RGL1: variants seen among roughly 807,000 people sequenced by gnomAD.
RGL1 encodes ral guanine nucleotide dissociation stimulator like 1.
RGL1 carries 24 observed loss-of-function variants against 95.2 expected under a neutral mutation model. The observed-to-expected ratio is 0.25, with a 90% confidence interval of 0.18 to 0.35. The LOEUF (loss-of-function observed/expected upper bound fraction) is 0.35, where lower values mean the gene tolerates loss of function less well. Among genes scored for constraint, RGL1 ranks in the 10% least tolerant of loss-of-function variants. The pLI is 1.00. For synonymous variants in RGL1, 329 were observed against 344.9 expected, an observed-to-expected ratio of 0.95 and a Z score of 0.51; for missense variants, 715 against 936.3, an observed-to-expected ratio of 0.76 and a Z score of 3.08.
intron 2 of RGL1, among the ~76,000 whole-genome samples, chr1:183,836,340 T>G (rs988468245): frequency 3.9e-5 from 6 of 152,144 alleles, no homozygotes; most frequent in Non-Finnish European, 5.9e-5. Flanking sequence ...TACCTCCGCC[T>G]CTTGGGTTCA....
chr1:183,657,425 T>A (rs1558137566), intron 1 of RGL1, among the ~76,000 whole-genome samples: 1 of 152,238 alleles, frequency 6.6e-6, no homozygotes, highest in Non-Finnish European at 1.5e-5. Context: ...TATCTCCTAA[T>A]GCTATCCCTC....
intron 2 of RGL1, among the ~76,000 whole-genome samples, chr1:183,825,220 AG>A (rs1164245110): frequency 6.6e-6 from 1 of 152,202 alleles, no homozygotes; most frequent in Admixed American, 6.5e-5. Context: ...TCATGCTGGA[AG>A]GGTTTCTGGA....
At chr1:183,714,867 C>T (rs1314063015) in intron 1 of RGL1, among the ~76,000 whole-genome samples, 2 of 152,264 alleles carry the variant, frequency 1.3e-5, no homozygotes, top group South Asian at 4.1e-4. Flanking sequence ...ACCCGTTGCT[C>T]ACAGGGTGTG....
intron 2 of RGL1, chr1:183,754,721 G>A (rs1658228519): frequency 6.6e-6 from 1 of 152,208 alleles, no homozygotes; most frequent in Admixed American, 6.5e-5. Flanking sequence ...ATGTGTGATG[G>A]GGAGATGTAA....
intron 4 of RGL1, among the ~76,000 whole-genome samples, chr1:183,868,427 C>T (rs1665965760): frequency 6.6e-6 from 1 of 152,174 alleles, no homozygotes; most frequent in Non-Finnish European, 1.5e-5. Context: ...ATAGAGCCTT[C>T]TCGCTCAAAG....
intron 1 of RGL1, among the ~76,000 whole-genome samples, chr1:183,700,854 G>A (rs554255220): frequency 6.6e-6 from 1 of 152,042 alleles, no homozygotes; most frequent in Non-Finnish European, 1.5e-5. Flanking sequence ...TGTCATCTAG[G>A]TTTTAAGCCC....
At chr1:183,835,177 G>C (rs188267038) in intron 2 of RGL1, among the ~76,000 whole-genome samples, 12 of 148,586 alleles carry the variant, frequency 8.1e-5, no homozygotes, top group African/African-American at 2.5e-4. Flanking sequence ...GGACAAATTG[G>C]ATCTGTGTTT....
intron 1 of RGL1, among the ~76,000 whole-genome samples, chr1:183,643,262 T>TTTTATTTATTTATTTATTTA (rs374025637): frequency 7.3e-6 from 1 of 136,432 alleles, no homozygotes; most frequent in Non-Finnish European, 1.6e-5. Context: ...GGTCCTGTTT[T>TTTTATTTATTTATTTATTTA]TTTATTTATT....
At chr1:183,705,405 T>C (rs1654849835) in intron 1 of RGL1, among the ~76,000 whole-genome samples, 1 of 152,140 alleles carries the variant, frequency 6.6e-6, no homozygotes, top group Non-Finnish European at 1.5e-5. Flanking sequence ...GTATGGACAT[T>C]GCAGTCTCTT....
At chr1:183,837,876 A>G (rs550649856) in intron 2 of RGL1, among the ~76,000 whole-genome samples, 2 of 152,184 alleles carry the variant, frequency 1.3e-5, no homozygotes, top group African/African-American at 4.8e-5. Flanking sequence ...GGTCCCTCGC[A>G]TGTGCAGTTC....
chr1:183,751,977 C>T (rs1397756295), intron 2 of RGL1, among the ~76,000 whole-genome samples: 2 of 152,190 alleles, frequency 1.3e-5, no homozygotes, highest in African/African-American at 4.8e-5. Flanking sequence ...GAGCTGCAGA[C>T]TGGAGCTGTT....
chr1:183,652,459 C>CT lies in RGL1; in HGVS notation c.-33+15961dup, dbSNP rs1255844409. 6.6e-5 allele frequency among the ~76,000 whole-genome samples: 10 copies of CT among 152,310 alleles called. No homozygotes were observed. The South Asian group carries it at 1.9e-3, about 28-fold the overall frequency. On this transcript the variant is annotated intron_variant, in intron 1 of 18. Transcript: ENST00000304685. Reference sequence around the variant, plus strand: ...TTTTCAGAGTCTTTCTGGGCTTGTTCTTTGATCACCCTCATCTGAAGAGGA... The same window carrying CT: ...TTTTCAGAGTCTTTCTGGGCTTGTTCTTTTGATCACCCTCATCTGAAGAGGA...
chr1:183,853,228 G>A (rs925666775), intron 3 of RGL1, among the ~76,000 whole-genome samples: 2 of 152,042 alleles, frequency 1.3e-5, no homozygotes, highest in South Asian at 2.1e-4. Flanking sequence ...CCTAGGGAGG[G>A]TGAGGCAGGA....
At chr1:183,918,045 C>T (rs1322843102) in intron 16 of RGL1, among the ~76,000 whole-genome samples, 1 of 152,130 alleles carries the variant, frequency 6.6e-6, no homozygotes, top group African/African-American at 2.4e-5. Context: ...AGAATCCATT[C>T]ATTTAGTTAC....
At chr1:183,919,161 G>C (rs1478903392) in intron 16 of RGL1, among the ~76,000 whole-genome samples, 2 of 152,208 alleles carry the variant, frequency 1.3e-5, no homozygotes, top group Non-Finnish European at 2.9e-5. Flanking sequence ...CACATTGCAT[G>C]TTAATGTAAA....
intron 2 of RGL1, among the ~76,000 whole-genome samples, chr1:183,822,027 T>C (rs548690016): frequency 1.2e-4 from 18 of 152,104 alleles, no homozygotes; most frequent in Non-Finnish European, 2.5e-4. Flanking sequence ...ACAAAAGATG[T>C]AGGGGTGGTC....
At chr1:183,802,279 C>T (rs919975940), upstream of RGL1, among the ~76,000 whole-genome samples, 1 of 152,076 alleles carries the variant, frequency 6.6e-6, no homozygotes, top group African/African-American at 2.4e-5. Flanking sequence ...GCTTTCTGTT[C>T]TGTTCCATTG....
intron 2 of RGL1, among the ~76,000 whole-genome samples, chr1:183,789,663 C>T (rs1227411176): frequency 6.6e-6 from 1 of 152,030 alleles, no homozygotes; most frequent in Non-Finnish European, 1.5e-5. Context: ...TCCTTTACCT[C>T]TACTGATTTC....
At chr1:183,703,048 T>C (rs1654697686) in intron 1 of RGL1, among the ~76,000 whole-genome samples, 1 of 152,148 alleles carries the variant, frequency 6.6e-6, no homozygotes, top group Non-Finnish European at 1.5e-5. Flanking sequence ...TTCCTGCTTC[T>C]GCCATCTTGC....
Sources: allele counts gnomAD v4.1 joint callset (sites outside exome capture counted in the v4.1 genomes callset), GRCh38; gene constraint gnomAD v4.1.1; transcripts MANE v1.5; gene names NCBI Gene and HGNC (gene_info 2026-07-23, HGNC 2026-07-21).